Variants in ABCD3 observed in about 807,000 individuals in gnomAD.
The protein encoded by ABCD3 is ATP-binding cassette sub-family D member 3.
Under a neutral mutation model 105.5 loss-of-function variants are expected in ABCD3, and 41 were observed. That is an observed-to-expected ratio of 0.39 (90% CI 0.30 to 0.50). ABCD3 has a LOEUF of 0.50. Ranked by LOEUF, ABCD3 falls within the 20% of genes least tolerant of loss-of-function variation. The probability of loss-of-function intolerance (pLI) is 0.84; values close to 1 mark genes in which losing one functional copy is unlikely to be tolerated. For synonymous variants in ABCD3, 258 were observed against 269.0 expected, an observed-to-expected ratio of 0.96 and a Z score of 0.40; for missense variants, 622 against 806.3, an observed-to-expected ratio of 0.77 and a Z score of 2.77.
At chr1:94,418,322 C>A (rs1659101239), upstream of ABCD3, 4 of 493,690 alleles carry the variant, frequency 8.1e-6, no homozygotes, top group Admixed American at 4.5e-5. Flanking sequence ...GGCTCCAGAG[C>A]GCGGGCGGCG....
At chr1:94,509,656 C>CA (rs1246729547) in intron 21 of ABCD3, among the ~76,000 whole-genome samples, 1 of 152,188 alleles carries the variant, frequency 6.6e-6, no homozygotes, top group South Asian at 2.1e-4. Flanking sequence ...ATTATTGCCA[C>CA]AATTTCAGCT....
intron 13 of ABCD3, among the ~76,000 whole-genome samples, chr1:94,488,311 T>G (rs1156235970): frequency 6.6e-6 from 1 of 152,118 alleles, no homozygotes. Context: ...TAAATTTTCT[T>G]GTCCTCTACC....
intron 9 of ABCD3, chr1:94,482,958 A>G: frequency 3.6e-6 from 2 of 553,572 alleles, no homozygotes; most frequent in African/African-American, 3.8e-5. Flanking sequence ...AGTCCAGCAT[A>G]TGATTCAGTC....
intron 21 of ABCD3, 63 bp downstream of exon 21, chr1:94,506,705 A>T (rs1422115595): frequency 8.3e-7 from 1 of 1,211,306 alleles, no homozygotes; most frequent in Non-Finnish European, 1.2e-6. Flanking sequence ...ACTATGTCCA[A>T]ATCTGTCCAA....
At chr1:94,417,954 C>G (rs564206402), upstream of ABCD3, among the ~76,000 whole-genome samples, 1 of 152,134 alleles carries the variant, frequency 6.6e-6, no homozygotes, top group East Asian at 1.9e-4. Flanking sequence ...AATCACTGTG[C>G]TGTGTTTTCC....
At chr1:94,515,256 T>A in intron 22 of ABCD3, 54 bp downstream of exon 22, 2 of 1,380,586 alleles carry the variant, frequency 1.4e-6, no homozygotes, top group Non-Finnish European at 2.1e-6. Flanking sequence ...CTTTAAAATA[T>A]GAATTCAGGT....
At chr1:94,466,827 G>T (rs1232435234) in intron 3 of ABCD3, among the ~76,000 whole-genome samples, 1 of 152,200 alleles carries the variant, frequency 6.6e-6, no homozygotes, top group Non-Finnish European at 1.5e-5. Flanking sequence ...CATTGGATGA[G>T]TCCCTGGGAA....
Position 94,421,178 on chromosome 1 carries a change from C to CTA in ABCD3, c.110+2594_110+2595dup, listed in dbSNP as rs1329354653. On this transcript the variant is annotated intron_variant, in intron 1 of 22. Coordinates refer to ENST00000370214, the MANE Select transcript of ABCD3 (RefSeq NM_002858.4). ...TTACCCAAGGAGTACCAACAACATT[C>CTA]TATATTCTTGTTTCATCTATTTCAA... 2.0e-5 allele frequency among the ~76,000 whole-genome samples: 3 copies of CTA among 152,052 alleles called. No homozygotes were observed. The East Asian group carries it at 5.8e-4, about 29-fold the overall frequency.
intron 1 of ABCD3, among the ~76,000 whole-genome samples, chr1:94,424,230 T>C (rs937665279): frequency 1.8e-4 from 27 of 152,080 alleles, no homozygotes; most frequent in Non-Finnish European, 2.9e-4. Flanking sequence ...GTTGTTTAAT[T>C]AATTATATGT....
chr1:94,391,782 A>G, the ABCD3 span, among the ~76,000 whole-genome samples: 2 of 152,214 alleles, frequency 1.3e-5, no homozygotes, highest in African/African-American at 4.8e-5. Flanking sequence ...AAAAAGTTAC[A>G]AAGTTACATC....
rs1650364940 is a variant in ABCD3 at position 94,506,645 on chromosome 1, A to G, written c.1845+3A>G. 1.2e-6 allele frequency: 2 copies of G among 1,608,020 alleles called. No individual in the cohort carries two copies. The highest frequency in any genetic ancestry group is 1.1e-5 in the South Asian group (1 of 90,998). On this transcript the variant is annotated splice_donor_region_variant and intron_variant, in intron 21 of 22. Coordinates refer to ENST00000370214, the MANE Select transcript of ABCD3 (RefSeq NM_002858.4). ...ACATTTATAGTCATTGTCGAAAGGT[A>G]AGTACGCAGGTGCTCAGTTTGAGGA...
At chr1:94,430,442 G>A (rs1202479388) in intron 1 of ABCD3, among the ~76,000 whole-genome samples, 1 of 152,162 alleles carries the variant, frequency 6.6e-6, no homozygotes, top group Non-Finnish European at 1.5e-5. Flanking sequence ...TCCCAGTGTT[G>A]TAGGAGGGAC....
intron 8 of ABCD3, among the ~76,000 whole-genome samples, chr1:94,479,773 A>T (rs983618232): frequency 3.9e-5 from 6 of 152,194 alleles, no homozygotes; most frequent in Non-Finnish European, 5.9e-5. Flanking sequence ...AGTATAGGGT[A>T]TATAGGGGAA....
the ABCD3 span, among the ~76,000 whole-genome samples, chr1:94,398,849 G>T: frequency 6.6e-6 from 1 of 152,142 alleles, no homozygotes; most frequent in African/African-American, 2.4e-5. Context: ...AGGAGGCAGA[G>T]GATGCAGTGA....
intron 1 of ABCD3, among the ~76,000 whole-genome samples, chr1:94,448,647 TCA>T (rs1180466494): frequency 6.6e-5 from 10 of 152,244 alleles, no homozygotes; most frequent in African/African-American, 2.4e-4. Context: ...TTGAAAATGC[TCA>T]GTTATGTTTT....
intron 1 of ABCD3, among the ~76,000 whole-genome samples, chr1:94,428,491 G>A (rs1462134229): frequency 6.6e-6 from 1 of 152,162 alleles, no homozygotes; most frequent in Non-Finnish European, 1.5e-5. Context: ...TATTTATACA[G>A]CTTCTTAAAT....
chr1:94,506,213 A>G (rs1438950129), intron 20 of ABCD3, among the ~76,000 whole-genome samples: 1 of 152,174 alleles, frequency 6.6e-6, no homozygotes, highest in African/African-American at 2.4e-5. Context: ...ATTTGGTTAA[A>G]ATATGTACTC....
chr1:94,460,965 CAT>C (rs1491450245), intron 2 of ABCD3, among the ~76,000 whole-genome samples: 1 of 151,996 alleles, frequency 6.6e-6, no homozygotes, highest in African/African-American at 2.4e-5. Context: ...TCATTTTACT[CAT>C]TTTTTTCTTA....
chr1:94,399,912 A>C, the ABCD3 span, among the ~76,000 whole-genome samples: 1 of 152,138 alleles, frequency 6.6e-6, no homozygotes, highest in African/African-American at 2.4e-5. Flanking sequence ...AGGGATTTGT[A>C]GAGAAGCTTG....
Sources: allele counts gnomAD v4.1 joint callset (sites outside exome capture counted in the v4.1 genomes callset), GRCh38; gene constraint gnomAD v4.1.1; transcripts MANE v1.5; gene names NCBI Gene and HGNC (gene_info 2026-07-23, HGNC 2026-07-21).